The following NEGR1 variants were observed in gnomAD, a reference collection of about 807,000 sequenced individuals.
NEGR1 encodes the protein neuronal growth regulator 1.
NEGR1 carries 10 observed loss-of-function variants against 40.9 expected under a neutral mutation model. The observed-to-expected ratio is 0.24, with a 90% CI of 0.15 to 0.42. The LOEUF (loss-of-function observed/expected upper bound fraction) is 0.42. Ranked by LOEUF, NEGR1 falls within the 10% of genes least tolerant of loss-of-function variation. NEGR1 has a pLI of 1.00. For synonymous variants in NEGR1, 185 were observed against 166.8 expected, an observed-to-expected ratio of 1.11 and a Z score of -0.84; for missense variants, 352 against 438.9, an observed-to-expected ratio of 0.80 and a Z score of 1.77.
intron 5 of NEGR1, among the ~76,000 whole-genome samples, chr1:71,606,598 G>A (rs1650082939): frequency 6.6e-6 from 1 of 152,170 alleles, no homozygotes; most frequent in African/African-American, 2.4e-5. Context: ...CATCTAAAAT[G>A]TCTTGATGGT....
At chr1:71,430,947 G>C (rs1414057133) in intron 6 of NEGR1, among the ~76,000 whole-genome samples, 1 of 151,972 alleles carries the variant, frequency 6.6e-6, no homozygotes, top group East Asian at 1.9e-4. Context: ...TTTTAGTAGA[G>C]ACAGGGTTTC....
intron 2 of NEGR1, among the ~76,000 whole-genome samples, chr1:71,776,682 A>G (rs1159932418): frequency 1.3e-5 from 2 of 152,224 alleles, no homozygotes; most frequent in East Asian, 3.8e-4. Context: ...GAAATACAGA[A>G]GAAACTTAAA....
intron 2 of NEGR1, among the ~76,000 whole-genome samples, chr1:71,845,493 A>G (rs1659374659): frequency 6.6e-6 from 1 of 152,204 alleles, no homozygotes; most frequent in Non-Finnish European, 1.5e-5. Flanking sequence ...TTCACCAAGT[A>G]TCACCAAAAT....
At chr1:71,482,904 TGAG>T (rs1368834085) in intron 6 of NEGR1, among the ~76,000 whole-genome samples, 2 of 151,826 alleles carry the variant, frequency 1.3e-5, no homozygotes, top group East Asian at 1.9e-4. Context: ...ACATTTTAGT[TGAG>T]GAGGGCAAAG....
At chr1:72,132,478 G>GAAAAC (rs1220910832) in intron 1 of NEGR1, among the ~76,000 whole-genome samples, 2 of 152,248 alleles carry the variant, frequency 1.3e-5, no homozygotes, top group Non-Finnish European at 2.9e-5. Flanking sequence ...AGCCATTCAT[G>GAAAAC]AAAACAAACA....
chr1:72,039,560 G>C (rs868393543), intron 1 of NEGR1, among the ~76,000 whole-genome samples: 1 of 151,838 alleles, frequency 6.6e-6, no homozygotes, highest in African/African-American at 2.4e-5. Flanking sequence ...GTGTTGGAGA[G>C]AAAAAAACAA....
intron 1 of NEGR1, among the ~76,000 whole-genome samples, chr1:71,957,600 G>T (rs1203337785): frequency 6.6e-6 from 1 of 152,124 alleles, no homozygotes; most frequent in African/African-American, 2.4e-5. Context: ...CTTTGTAAAA[G>T]ATTAACTTTT....
At chr1:71,680,300 C>T (rs1652795743) in intron 4 of NEGR1, among the ~76,000 whole-genome samples, 1 of 152,026 alleles carries the variant, frequency 6.6e-6, no homozygotes, top group African/African-American at 2.4e-5. Flanking sequence ...TCTTTAGTTA[C>T]ATAGGATCGT....
intron 6 of NEGR1, 66 bp downstream of exon 6, chr1:71,592,751 T>C: frequency 1.5e-6 from 2 of 1,296,280 alleles, no homozygotes; most frequent in East Asian, 2.3e-5. Flanking sequence ...TCTTAGGTTT[T>C]ATCTCTACAG....
At chr1:71,678,316 A>G (rs1433490742) in intron 4 of NEGR1, among the ~76,000 whole-genome samples, 1 of 152,174 alleles carries the variant, frequency 6.6e-6, no homozygotes, top group Non-Finnish European at 1.5e-5. Flanking sequence ...TAAACTGAAT[A>G]TATTAATAGC....
intron 6 of NEGR1, among the ~76,000 whole-genome samples, chr1:71,432,572 T>C (rs1335892515): frequency 1.3e-5 from 2 of 152,154 alleles, no homozygotes; most frequent in Non-Finnish European, 2.9e-5. Context: ...ATTGTTTCTC[T>C]TCCCCTCCCT....
rs1423343217 is a variant in NEGR1 at position 72,178,245 on chromosome 1, T to TA, written c.176+104073dup. 7.9e-5 allele frequency among the ~76,000 whole-genome samples: 12 copies of TA among 152,150 alleles called. No individual in the cohort carries two copies. In the South Asian group the frequency reaches 2.5e-3, roughly 32 times the overall value. On this transcript the variant is annotated intron_variant, in intron 1 of 6. Coordinates refer to ENST00000357731, the MANE Select transcript of NEGR1 (RefSeq NM_173808.3). ...CTATTATTTTATTGACAGTTAATTA[T>TA]AAAAAATCATATATGTTGAATTTGT...
chr1:71,581,556 G>A (rs1649134215), intron 6 of NEGR1, among the ~76,000 whole-genome samples: 1 of 152,016 alleles, frequency 6.6e-6, no homozygotes, highest in Non-Finnish European at 1.5e-5. Context: ...TCACATGCAT[G>A]GATTATAATC....
chr1:71,739,563 C>T (rs1249798039), intron 3 of NEGR1, among the ~76,000 whole-genome samples: 2 of 151,580 alleles, frequency 1.3e-5, no homozygotes, highest in East Asian at 1.9e-4. Flanking sequence ...TACTCTTTTC[C>T]GAAAAATGAG....
At chr1:72,264,045 G>A (rs146439687) in intron 1 of NEGR1, among the ~76,000 whole-genome samples, 89 of 151,348 alleles carry the variant, frequency 5.9e-4, no homozygotes, top group African/African-American at 2.0e-3. Context: ...ACTATGACAG[G>A]CATATTCAAT....
intron 1 of NEGR1, among the ~76,000 whole-genome samples, chr1:72,113,416 A>C (rs982710093): frequency 2.0e-5 from 3 of 150,276 alleles, no homozygotes; most frequent in Non-Finnish European, 4.5e-5. Context: ...TGGCAGTTAG[A>C]AGTGAGTAAG....
intron 2 of NEGR1, among the ~76,000 whole-genome samples, chr1:71,913,068 C>A (rs1385026811): frequency 2.0e-5 from 3 of 151,788 alleles, no homozygotes; most frequent in East Asian, 1.9e-4. Flanking sequence ...TTATTTCTAG[C>A]CTCATATATT....
At chr1:72,137,157 A>C (rs1343376811) in intron 1 of NEGR1, among the ~76,000 whole-genome samples, 1 of 152,216 alleles carries the variant, frequency 6.6e-6, no homozygotes, top group African/African-American at 2.4e-5. Context: ...GGGAGTGTAA[A>C]TTAGTTCAAC....
intron 1 of NEGR1, among the ~76,000 whole-genome samples, chr1:72,205,158 C>T (rs7349073): frequency 0.21 from 31,342 of 151,738 alleles, 3,747 homozygotes; most frequent in South Asian, 0.28. Context: ...GATTAAATTG[C>T]TAATATGGAA....
Sources: allele counts gnomAD v4.1 joint callset (sites outside exome capture counted in the v4.1 genomes callset), GRCh38; gene constraint gnomAD v4.1.1; transcripts MANE v1.5; gene names NCBI Gene and HGNC (gene_info 2026-07-23, HGNC 2026-07-21).